KIAA1328: variants seen among roughly 807,000 people sequenced by gnomAD.
KIAA1328 encodes the protein protein hinderin.
In KIAA1328, 52 loss-of-function variants were observed where a neutral mutation model predicts 68.1. That is an observed-to-expected ratio of 0.76 (90% confidence interval 0.61 to 0.96). KIAA1328 has a LOEUF of 0.96. Among genes scored for constraint, KIAA1328 ranks in the 40% least tolerant of loss-of-function variants. The pLI is 0.00. For missense variants in KIAA1328, 641 were observed against 677.6 expected, an observed-to-expected ratio of 0.95 and a Z score of 0.60; for synonymous variants, 232 against 239.4, an observed-to-expected ratio of 0.97 and a Z score of 0.28.
intron 9 of KIAA1328, chr18:37,193,751 G>C: frequency 3.3e-6 from 2 of 611,550 alleles, no homozygotes; most frequent in Non-Finnish European, 5.9e-6. Context: ...AAACTGAATT[G>C]TTTTGAAAAT....
At chr18:37,126,034 G>A (rs1350437695) in intron 7 of KIAA1328, among the ~76,000 whole-genome samples, 1 of 152,224 alleles carries the variant, frequency 6.6e-6, no homozygotes, top group African/African-American at 2.4e-5. Context: ...AGTCAGAAAT[G>A]ATAGTGATGT....
intron 3 of KIAA1328, among the ~76,000 whole-genome samples, chr18:36,841,043 A>G (rs971473270): frequency 3.3e-5 from 5 of 152,074 alleles, no homozygotes; most frequent in African/African-American, 1.2e-4. Flanking sequence ...GCAATCTGAG[A>G]TAAGTGTCCT....
At chr18:36,882,782 T>A (rs2048365656) in intron 4 of KIAA1328, among the ~76,000 whole-genome samples, 1 of 152,224 alleles carries the variant, frequency 6.6e-6, no homozygotes, top group Non-Finnish European at 1.5e-5. Context: ...TTATGGAATA[T>A]CTGACCTGGT....
chr18:37,063,605 C>T (rs1014900914), intron 6 of KIAA1328: 34 of 983,376 alleles, frequency 3.5e-5, no homozygotes, highest in Non-Finnish European at 4.0e-5. Context: ...TAGAATTCTG[C>T]CTATTACACA....
intron 4 of KIAA1328, among the ~76,000 whole-genome samples, chr18:36,870,056 G>T (rs985510849): frequency 3.3e-5 from 5 of 152,034 alleles, no homozygotes; most frequent in Admixed American, 6.6e-5. Context: ...TAGAGACGGG[G>T]TTTCACCATG....
chr18:36,956,905 A>G (rs891523654), intron 5 of KIAA1328, among the ~76,000 whole-genome samples: 21 of 152,314 alleles, frequency 1.4e-4, no homozygotes, highest in African/African-American at 4.8e-4. Flanking sequence ...AAACCAGCCT[A>G]GTCCAATGTA....
At chr18:36,908,716 T>C (rs907543203) in intron 5 of KIAA1328, among the ~76,000 whole-genome samples, 1 of 152,166 alleles carries the variant, frequency 6.6e-6, no homozygotes, top group East Asian at 1.9e-4. Flanking sequence ...AGTGTGAATA[T>C]ATTTATCTAG....
chr18:36,976,917 A>G (rs943731130), intron 6 of KIAA1328, among the ~76,000 whole-genome samples: 15 of 152,166 alleles, frequency 9.9e-5, no homozygotes, highest in East Asian at 1.9e-4. Flanking sequence ...CAATGATTCA[A>G]TTTTTCTAAG....
Position 37,026,190 on chromosome 18 carries a change from G to T in KIAA1328, c.577-40700G>T, listed in dbSNP as rs183952942. Among the ~76,000 whole-genome samples, 154 of 152,208 alleles carry T rather than the reference G, an allele frequency of 1.0e-3. 2 individuals carry two copies. Among genetic ancestry groups the T allele is most frequent in the African/African-American group, 3.7e-3 (152 of 41,530 alleles). On this transcript the variant is annotated intron_variant, in intron 6 of 9. Coordinates refer to ENST00000280020, the MANE Select transcript of KIAA1328 (RefSeq NM_020776.3). ...TAAACCAGGAAGAAATTGAATCTCTGAATAGACCAATAACAGGCTCTGAAA... is the reference window on the plus strand; with the variant it reads ...TAAACCAGGAAGAAATTGAATCTCTTAATAGACCAATAACAGGCTCTGAAA...
chr18:37,138,741 C>G (rs1422572766), intron 7 of KIAA1328, among the ~76,000 whole-genome samples: 1 of 152,028 alleles, frequency 6.6e-6, no homozygotes, highest in Non-Finnish European at 1.5e-5. Context: ...TGTTTAGTTG[C>G]CTATTTCTTC....
intron 9 of KIAA1328, among the ~76,000 whole-genome samples, chr18:37,193,342 CAT>C (rs1568518307): frequency 6.6e-6 from 1 of 151,952 alleles, no homozygotes. Context: ...ATACATAAAC[CAT>C]ATGGGTTACA....
At chr18:37,181,609 G>A (rs2059700014) in intron 9 of KIAA1328, among the ~76,000 whole-genome samples, 1 of 152,132 alleles carries the variant, frequency 6.6e-6, no homozygotes, top group African/African-American at 2.4e-5. Flanking sequence ...AAATAATAAC[G>A]ATGTAGCAAA....
intron 7 of KIAA1328, among the ~76,000 whole-genome samples, chr18:37,105,274 A>G (rs574817332): frequency 1.6e-4 from 25 of 152,222 alleles, no homozygotes; most frequent in Middle Eastern, 3.4e-3. Flanking sequence ...AGGCCAAGCC[A>G]TGAGGATTGC....
At chr18:37,073,422 A>G (rs943815469) in intron 7 of KIAA1328, among the ~76,000 whole-genome samples, 1 of 152,204 alleles carries the variant, frequency 6.6e-6, no homozygotes. Context: ...GCTCAACATC[A>G]TATTAGAGAA....
intron 4 of KIAA1328, among the ~76,000 whole-genome samples, chr18:36,879,384 T>C (rs1278336257): frequency 6.6e-6 from 1 of 152,210 alleles, no homozygotes; most frequent in Non-Finnish European, 1.5e-5. Context: ...TACCTGCTCC[T>C]TCCTCTGAAA....
intron 4 of KIAA1328, among the ~76,000 whole-genome samples, chr18:36,845,746 A>G (rs1205296622): frequency 6.6e-6 from 1 of 151,688 alleles, no homozygotes; most frequent in Non-Finnish European, 1.5e-5. Context: ...ACATCAGCGA[A>G]TGAAACAAAG....
chr18:37,206,593 G>A (rs1300912367), intron 9 of KIAA1328, among the ~76,000 whole-genome samples: 1 of 152,090 alleles, frequency 6.6e-6, no homozygotes, highest in Non-Finnish European at 1.5e-5. Context: ...ATTAGAAAGA[G>A]GCACCTATCT....
intron 1 of KIAA1328, chr18:36,832,606 A>T (rs2150755124): frequency 6.6e-6 from 1 of 151,048 alleles, no homozygotes; most frequent in Admixed American, 6.6e-5. Flanking sequence ...AAAAAAAAAA[A>T]GTTTTGTTTG....
At chr18:37,106,060 G>A (rs1402954483) in intron 7 of KIAA1328, among the ~76,000 whole-genome samples, 1 of 150,558 alleles carries the variant, frequency 6.6e-6, no homozygotes, top group Non-Finnish European at 1.5e-5. Flanking sequence ...ACACAAAAAT[G>A]TCTATATGAA....
Sources: allele counts gnomAD v4.1 joint callset (sites outside exome capture counted in the v4.1 genomes callset), GRCh38; gene constraint gnomAD v4.1.1; transcripts MANE v1.5; gene names NCBI Gene and HGNC (gene_info 2026-07-23, HGNC 2026-07-21).